CNTN5: variants seen among roughly 807,000 people sequenced by gnomAD.
The protein encoded by CNTN5 is contactin 5.
A neutral mutation model predicts 129.1 loss-of-function variants in CNTN5; 77 were observed. The ratio of observed to expected loss-of-function variants is 0.60; its 90% CI spans 0.50 to 0.72. The LOEUF is 0.72. Among genes scored for constraint, CNTN5 ranks in the 30% least tolerant of loss-of-function variants. CNTN5 has a pLI of 0.00. For synonymous variants in CNTN5, 509 were observed against 465.6 expected (o/e 1.09, Z -1.20); for missense variants, 1,478 against 1,328.8 (o/e 1.11, Z -1.75).
chr11:99,916,309 CTAAA>C (rs896704031), intron 7 of CNTN5, among the ~76,000 whole-genome samples, 160 bp downstream of exon 7: 1 of 152,238 alleles, frequency 6.6e-6, no homozygotes, highest in South Asian at 2.1e-4. Flanking sequence ...ATCACGTACT[CTAAA>C]TATCATTAGA....
intron 1 of CNTN5, among the ~76,000 whole-genome samples, chr11:99,250,846 A>AT (rs1234613926): frequency 1.3e-5 from 2 of 152,010 alleles, no homozygotes; most frequent in African/African-American, 4.8e-5. Context: ...AGAACAATTA[A>AT]TTTCCCTTAC....
At chr11:99,029,304 T>A (rs2135080736) in intron 1 of CNTN5, among the ~76,000 whole-genome samples, 1 of 152,064 alleles carries the variant, frequency 6.6e-6, no homozygotes, top group African/African-American at 2.4e-5. Context: ...ATTTAAAGAT[T>A]ATTCTGTGTA....
chr11:100,224,644 C>T lies in CNTN5; in HGVS notation c.1885-48C>T, dbSNP rs374500496. The T allele has an allele frequency of 1.9e-6, 3 of 1,576,364 alleles. No homozygotes were observed. The South Asian group carries it at 3.5e-5, about 18-fold the overall frequency. On this transcript the variant is annotated intron_variant, in intron 15 of 24. Coordinates refer to ENST00000524871, the MANE Select transcript of CNTN5 (RefSeq NM_014361.4). Reference sequence around the variant, plus strand: ...AAGTTCCCCCTTAAGCCACCTTGAACTAGGCAGATTTGCAACATTTTAAAC... The same window carrying T: ...AAGTTCCCCCTTAAGCCACCTTGAATTAGGCAGATTTGCAACATTTTAAAC...
intron 2 of CNTN5, among the ~76,000 whole-genome samples, chr11:99,502,663 G>A (rs1591174418): frequency 6.6e-6 from 1 of 152,230 alleles, no homozygotes; most frequent in East Asian, 1.9e-4. Flanking sequence ...GTCTCAGGCA[G>A]TTTTTATAGC....
intron 2 of CNTN5, among the ~76,000 whole-genome samples, chr11:99,425,808 C>T (rs1423076206): frequency 6.6e-6 from 1 of 152,246 alleles, no homozygotes; most frequent in Non-Finnish European, 1.5e-5. Context: ...ATGGTTTCCA[C>T]CTGTTCCTCA....
chr11:99,914,541 A>G (rs1214973477), intron 6 of CNTN5, among the ~76,000 whole-genome samples: 1 of 152,124 alleles, frequency 6.6e-6, no homozygotes, highest in African/African-American at 2.4e-5. Context: ...GTAGGTACAT[A>G]TATTTGAAAA....
chr11:99,663,463 G>A (rs367696797), intron 3 of CNTN5, among the ~76,000 whole-genome samples: 13 of 152,222 alleles, frequency 8.5e-5, no homozygotes, highest in East Asian at 5.8e-4. Flanking sequence ...GCGAGACTCC[G>A]TCTCAAAAAA....
intron 3 of CNTN5, among the ~76,000 whole-genome samples, chr11:99,753,338 G>A (rs945912020): frequency 3.3e-5 from 5 of 151,442 alleles, no homozygotes; most frequent in African/African-American, 7.3e-5. Context: ...TAGCCAGGAT[G>A]GTCTCGATCT....
chr11:100,182,972 T>TTAGC (rs1948183623), intron 13 of CNTN5, among the ~76,000 whole-genome samples: 1 of 151,996 alleles, frequency 6.6e-6, no homozygotes, highest in Non-Finnish European at 1.5e-5. Flanking sequence ...ATTTGAACAA[T>TTAGC]TAGCTCACCA....
At chr11:99,940,439 A>G (rs574269912) in intron 7 of CNTN5, among the ~76,000 whole-genome samples, 1 of 152,316 alleles carries the variant, frequency 6.6e-6, no homozygotes, top group African/African-American at 2.4e-5. Flanking sequence ...ATAGTATTTC[A>G]AAGTTATTAA....
chr11:100,005,887 G>T (rs567992136), intron 9 of CNTN5, among the ~76,000 whole-genome samples: 3 of 152,052 alleles, frequency 2.0e-5, no homozygotes, highest in African/African-American at 7.2e-5. Context: ...CAGCCTTAGC[G>T]GAGTAATTCA....
intron 8 of CNTN5, among the ~76,000 whole-genome samples, chr11:100,000,615 A>G (rs986044200): frequency 7.2e-5 from 11 of 152,266 alleles, no homozygotes; most frequent in African/African-American, 2.6e-4. Flanking sequence ...ATATTCTTAC[A>G]GCTCCAGTAA....
chr11:100,049,792 A>G (rs1033681317), intron 9 of CNTN5, among the ~76,000 whole-genome samples: 1 of 152,110 alleles, frequency 6.6e-6, no homozygotes, highest in Non-Finnish European at 1.5e-5. Flanking sequence ...AATACAAACA[A>G]CCCCATCAAA....
chr11:99,918,716 A>C (rs917597227), intron 7 of CNTN5, among the ~76,000 whole-genome samples: 1 of 152,194 alleles, frequency 6.6e-6, no homozygotes, highest in East Asian at 1.9e-4. Context: ...TAAGTCAGAT[A>C]CAAAAGAATT....
intron 1 of CNTN5, among the ~76,000 whole-genome samples, chr11:99,181,507 C>T (rs574282964): frequency 3.9e-5 from 6 of 152,228 alleles, no homozygotes; most frequent in East Asian, 1.9e-4. Flanking sequence ...GGGCCTCCCG[C>T]GGCAACTCCA....
intron 3 of CNTN5, among the ~76,000 whole-genome samples, chr11:99,710,300 A>G (rs1259846675): frequency 1.3e-5 from 2 of 151,828 alleles, no homozygotes; most frequent in Non-Finnish European, 2.9e-5. Flanking sequence ...TGCCCCATTC[A>G]TTCCTCTTGT....
chr11:100,340,143 A>G (rs1342418573), intron 21 of CNTN5, among the ~76,000 whole-genome samples: 1 of 152,184 alleles, frequency 6.6e-6, no homozygotes, highest in Non-Finnish European at 1.5e-5. Flanking sequence ...TATGAGAGAA[A>G]AGCACTCCAA....
intron 3 of CNTN5, among the ~76,000 whole-genome samples, chr11:99,658,703 C>A (rs1205879099): frequency 9.6e-6 from 1 of 104,450 alleles, no homozygotes; most frequent in Non-Finnish European, 2.2e-5. Context: ...GAAATTCTGT[C>A]TCTACTAAAA....
chr11:99,648,717 C>T (rs1952053535), intron 3 of CNTN5, among the ~76,000 whole-genome samples: 1 of 151,804 alleles, frequency 6.6e-6, no homozygotes, highest in Non-Finnish European at 1.5e-5. Context: ...CAATGGAATA[C>T]TATGTGGCTA....
Sources: allele counts gnomAD v4.1 joint callset (sites outside exome capture counted in the v4.1 genomes callset), GRCh38; gene constraint gnomAD v4.1.1; transcripts MANE v1.5; gene names NCBI Gene and HGNC (gene_info 2026-07-23, HGNC 2026-07-21).